Variants in GRIA2 observed in about 807,000 individuals in gnomAD.
GRIA2 encodes the protein glutamate ionotropic receptor AMPA type subunit 2.
Under a neutral mutation model 97.3 loss-of-function variants are expected in GRIA2, and 14 were observed. The ratio of observed to expected loss-of-function variants is 0.14; its 90% CI spans 0.10 to 0.23. The LOEUF (loss-of-function observed/expected upper bound fraction) is 0.23. Among genes scored for constraint, GRIA2 ranks in the 10% least tolerant of loss-of-function variants. The pLI is 1.00. For missense variants in GRIA2, 558 were observed against 1,069.8 expected (o/e 0.52, Z 6.67); for synonymous variants, 412 against 387.8 (o/e 1.06, Z -0.73).
At chr4:157,257,036 C>T (rs1731309515) in intron 2 of GRIA2, among the ~76,000 whole-genome samples, 1 of 151,900 alleles carries the variant, frequency 6.6e-6, no homozygotes, top group African/African-American at 2.4e-5. Context: ...TCATTCTAGC[C>T]TGAGTAGGAA....
chr4:157,227,118 T>A (rs1410061808), intron 2 of GRIA2, among the ~76,000 whole-genome samples: 1 of 152,188 alleles, frequency 6.6e-6, no homozygotes, highest in African/African-American at 2.4e-5. Context: ...CTTATGAAAC[T>A]ATAGAGGCTT....
chr4:157,309,754 C>T (rs563181631), intron 3 of GRIA2, among the ~76,000 whole-genome samples: 64 of 152,216 alleles, frequency 4.2e-4, no homozygotes, highest in African/African-American at 1.5e-3. Flanking sequence ...TATATTTAAA[C>T]TTTCTTATAA....
chr4:157,231,193 C>G (rs995597530), intron 2 of GRIA2, among the ~76,000 whole-genome samples: 2 of 152,104 alleles, frequency 1.3e-5, no homozygotes, highest in Non-Finnish European at 1.5e-5. Flanking sequence ...TGCACACCGC[C>G]ACGCCTGGCT....
intron 2 of GRIA2, among the ~76,000 whole-genome samples, chr4:157,299,365 G>A (rs1235538798): frequency 6.6e-6 from 1 of 152,102 alleles, no homozygotes; most frequent in Non-Finnish European, 1.5e-5. Flanking sequence ...ATTCCTTGGT[G>A]ATGCAGCTTT....
At chr4:157,271,154 C>A (rs1732006139) in intron 2 of GRIA2, among the ~76,000 whole-genome samples, 1 of 151,916 alleles carries the variant, frequency 6.6e-6, no homozygotes, top group Non-Finnish European at 1.5e-5. Flanking sequence ...CAACAACAAT[C>A]AACTCGGAAG....
intron 2 of GRIA2, among the ~76,000 whole-genome samples, chr4:157,267,603 C>T (rs1294456129): frequency 6.6e-6 from 1 of 151,808 alleles, no homozygotes; most frequent in African/African-American, 2.4e-5. Context: ...ATGTCTGTGA[C>T]GTGGCATGTA....
intron 2 of GRIA2, among the ~76,000 whole-genome samples, chr4:157,264,651 C>T (rs1172894942): frequency 6.6e-6 from 1 of 151,934 alleles, no homozygotes; most frequent in Non-Finnish European, 1.5e-5. Flanking sequence ...TTATTCTACC[C>T]ACCACAGATG....
intron 2 of GRIA2, among the ~76,000 whole-genome samples, chr4:157,262,554 T>C (rs559995448): frequency 2.6e-5 from 4 of 152,174 alleles, no homozygotes; most frequent in Admixed American, 1.3e-4. Flanking sequence ...GAATTTTGAG[T>C]GCCCATATGG....
chr4:157,249,815 A>C (rs767651805), intron 2 of GRIA2: 1 of 152,182 alleles, frequency 6.6e-6, no homozygotes, highest in Non-Finnish European at 1.5e-5. Flanking sequence ...CATGTTACAG[A>C]GGAACTAAAA....
At chr4:157,279,058 A>G (rs1033746551) in intron 2 of GRIA2, among the ~76,000 whole-genome samples, 2 of 152,142 alleles carry the variant, frequency 1.3e-5, no homozygotes, top group African/African-American at 4.8e-5. Flanking sequence ...AGTTTCTTGG[A>G]TAACTAAACA....
At chr4:157,224,006 A>G (rs1294579794) in intron 2 of GRIA2, among the ~76,000 whole-genome samples, 1 of 152,206 alleles carries the variant, frequency 6.6e-6, no homozygotes. Flanking sequence ...ATATGTGTAT[A>G]TATTAAACAC....
At chr4:157,338,047 T>C (rs1333049983) in intron 11 of GRIA2, among the ~76,000 whole-genome samples, 5 of 23,286 alleles carry the variant, frequency 2.1e-4, no homozygotes, top group East Asian at 2.0e-3. Context: ...TATATATATA[T>C]ATACACACAC....
intron 2 of GRIA2, among the ~76,000 whole-genome samples, chr4:157,257,074 G>T (rs1423678918): frequency 6.6e-6 from 1 of 152,002 alleles, no homozygotes; most frequent in East Asian, 1.9e-4. Flanking sequence ...AAAGTTGGAA[G>T]AAATCAGTTA....
intron 2 of GRIA2, among the ~76,000 whole-genome samples, chr4:157,290,556 A>C (rs1160273462): frequency 1.3e-5 from 2 of 151,530 alleles, no homozygotes; most frequent in Admixed American, 6.6e-5. Flanking sequence ...CATGGAATAG[A>C]ATAGCAATTT....
At chr4:157,315,432 C>T (rs935040477) in intron 4 of GRIA2, among the ~76,000 whole-genome samples, 10 of 147,998 alleles carry the variant, frequency 6.8e-5, no homozygotes, top group African/African-American at 2.2e-4. Context: ...TTTTTCAAGA[C>T]AACAGAGATG....
intron 2 of GRIA2, among the ~76,000 whole-genome samples, chr4:157,294,898 G>A (rs1733274502): frequency 6.6e-6 from 1 of 152,142 alleles, no homozygotes; most frequent in Non-Finnish European, 1.5e-5. Context: ...AGTTGAGCAA[G>A]AGTTCACAGA....
intron 2 of GRIA2, among the ~76,000 whole-genome samples, chr4:157,241,983 C>T (rs970442405): frequency 6.6e-6 from 1 of 151,982 alleles, no homozygotes; most frequent in Non-Finnish European, 1.5e-5. Context: ...TCTTTGTAGT[C>T]CTCTCTCGTA....
chr4:157,272,904 G>A (rs1732098724), intron 2 of GRIA2, among the ~76,000 whole-genome samples: 1 of 152,008 alleles, frequency 6.6e-6, no homozygotes, highest in Admixed American at 6.6e-5. Context: ...GGAGATCTAA[G>A]CATAGGGTTA....
intron 2 of GRIA2, among the ~76,000 whole-genome samples, chr4:157,260,631 A>G (rs1731489409): frequency 6.6e-6 from 1 of 152,076 alleles, no homozygotes; most frequent in South Asian, 2.1e-4. Flanking sequence ...ATCTAGATGC[A>G]TAAAACGCTA....
Sources: allele counts gnomAD v4.1 joint callset (sites outside exome capture counted in the v4.1 genomes callset), GRCh38; gene constraint gnomAD v4.1.1; transcripts MANE v1.5; gene names NCBI Gene and HGNC (gene_info 2026-07-23, HGNC 2026-07-21).